The following RNF13 variants were observed in gnomAD, a reference collection of about 807,000 sequenced individuals.
RNF13 encodes E3 ubiquitin-protein ligase RNF13.
Under a neutral mutation model 37.7 loss-of-function variants are expected in RNF13, and 19 were observed. The observed-to-expected ratio is 0.50, with a 90% CI of 0.35 to 0.74. RNF13 has a LOEUF of 0.74. Among genes scored for constraint, RNF13 ranks in the 30% least tolerant of loss-of-function variants. The pLI is 0.01. For missense variants in RNF13, 375 were observed against 453.0 expected, an observed-to-expected ratio of 0.83 and a Z score of 1.56; for synonymous variants, 144 against 157.8, an observed-to-expected ratio of 0.91 and a Z score of 0.65.
intron 4 of RNF13, among the ~76,000 whole-genome samples, chr3:149,887,258 C>A (rs909418175): frequency 6.6e-6 from 1 of 152,152 alleles, no homozygotes; most frequent in African/African-American, 2.4e-5. Flanking sequence ...GACTGCAATG[C>A]CCCAATTTCA....
At chr3:149,897,475 G>A (rs747521592) in intron 5 of RNF13, among the ~76,000 whole-genome samples, 41 of 152,038 alleles carry the variant, frequency 2.7e-4, no homozygotes, top group Non-Finnish European at 4.6e-4. Context: ...AATCATGTCA[G>A]CTCCTAAAGA....
At chr3:149,834,704 T>C (rs1721415519) in intron 1 of RNF13, among the ~76,000 whole-genome samples, 1 of 152,248 alleles carries the variant, frequency 6.6e-6, no homozygotes, top group South Asian at 2.1e-4. Flanking sequence ...CTTGCTGCTC[T>C]TGCTGTGTGA....
At chr3:149,960,326 T>G (rs995998548) in intron 9 of RNF13, among the ~76,000 whole-genome samples, 190 bp downstream of exon 9, 1 of 152,032 alleles carries the variant, frequency 6.6e-6, no homozygotes, top group African/African-American at 2.4e-5. Context: ...GCATGGTGGC[T>G]CACGCCTGTA....
intron 7 of RNF13, among the ~76,000 whole-genome samples, chr3:149,912,534 C>A (rs1307952628): frequency 1.3e-5 from 2 of 151,966 alleles, no homozygotes; most frequent in African/African-American, 4.8e-5. Context: ...ATATCTGCAA[C>A]TTACTTTAAA....
chr3:149,896,411 T>C (rs1346935262), intron 5 of RNF13, among the ~76,000 whole-genome samples: 1 of 152,102 alleles, frequency 6.6e-6, no homozygotes, highest in Non-Finnish European at 1.5e-5. Flanking sequence ...TATTTTATAT[T>C]CCTTAACCAA....
chr3:149,878,440 G>A (rs1275825493), intron 4 of RNF13, among the ~76,000 whole-genome samples: 1 of 152,152 alleles, frequency 6.6e-6, no homozygotes, highest in Non-Finnish European at 1.5e-5. Flanking sequence ...GCCTGCAGTA[G>A]TCCTAAAATA....
At chr3:149,869,421 C>A (rs1051652183) in intron 3 of RNF13, among the ~76,000 whole-genome samples, 1 of 151,382 alleles carries the variant, frequency 6.6e-6, no homozygotes, top group Non-Finnish European at 1.5e-5. Context: ...CCGGCTAAAA[C>A]GGTGAAACCC....
chr3:149,831,651 T>C (rs1008507048), intron 1 of RNF13, among the ~76,000 whole-genome samples: 3 of 152,218 alleles, frequency 2.0e-5, no homozygotes, highest in African/African-American at 4.8e-5. Context: ...TGTGGACTTT[T>C]GAGTTAATGC....
At chr3:149,952,718 G>A (rs1338330929) in intron 8 of RNF13, among the ~76,000 whole-genome samples, 1 of 152,036 alleles carries the variant, frequency 6.6e-6, no homozygotes, top group Non-Finnish European at 1.5e-5. Context: ...TCCTGCCTCA[G>A]CCTCCTGAGT....
chr3:149,922,113 A>G (rs1036369336), intron 8 of RNF13, among the ~76,000 whole-genome samples: 3 of 152,066 alleles, frequency 2.0e-5, no homozygotes, highest in Non-Finnish European at 2.9e-5. Flanking sequence ...AGCTGGGATT[A>G]CAGATGCCTG....
chr3:149,938,674 T>C (rs1270291535), intron 8 of RNF13, among the ~76,000 whole-genome samples: 6 of 152,254 alleles, frequency 3.9e-5, no homozygotes, highest in Admixed American at 2.0e-4. Flanking sequence ...AATTTTTTTT[T>C]ACTTTATTAA....
intron 3 of RNF13, among the ~76,000 whole-genome samples, chr3:149,866,406 G>GC (rs1333316139): frequency 1.3e-5 from 2 of 152,226 alleles, no homozygotes; most frequent in African/African-American, 2.4e-5. Flanking sequence ...AAGTGTCATG[G>GC]CGCTGGTGGG....
chr3:149,834,996 C>G (rs2108348108), intron 1 of RNF13, among the ~76,000 whole-genome samples: 1 of 152,130 alleles, frequency 6.6e-6, no homozygotes, highest in East Asian at 1.9e-4. Context: ...TGACCTTTAC[C>G]TTATACCATA....
intron 3 of RNF13, among the ~76,000 whole-genome samples, chr3:149,868,435 A>T (rs973463689): frequency 6.6e-6 from 1 of 151,364 alleles, no homozygotes. Flanking sequence ...TCTGGGAAAA[A>T]CTTTGTTTCT....
intron 8 of RNF13, among the ~76,000 whole-genome samples, chr3:149,956,152 A>G (rs1227192102): frequency 1.3e-5 from 2 of 152,138 alleles, no homozygotes; most frequent in Non-Finnish European, 2.9e-5. Context: ...TTTTATTCTC[A>G]GGGAAGCCAT....
At chr3:149,866,171 A>C (rs1370508215) in intron 3 of RNF13, among the ~76,000 whole-genome samples, 2 of 152,222 alleles carry the variant, frequency 1.3e-5, no homozygotes, top group Non-Finnish European at 2.9e-5. Context: ...GATCTCACAC[A>C]AGAAAGAATT....
intron 1 of RNF13, among the ~76,000 whole-genome samples, chr3:149,827,622 A>C (rs959708294): frequency 6.6e-6 from 1 of 152,170 alleles, no homozygotes; most frequent in African/African-American, 2.4e-5. Context: ...TTTTGTGGCA[A>C]AGCTGAACAC....
At chr3:149,940,947 A>G (rs192093894) in intron 8 of RNF13, among the ~76,000 whole-genome samples, 27 of 152,266 alleles carry the variant, frequency 1.8e-4, no homozygotes, top group Admixed American at 7.9e-4. Context: ...CTGATACAGT[A>G]TTTGTCCTTT....
chr3:149,886,157 G>A (rs1714007291), intron 4 of RNF13, among the ~76,000 whole-genome samples: 1 of 152,172 alleles, frequency 6.6e-6, no homozygotes, highest in Non-Finnish European at 1.5e-5. Flanking sequence ...TTGAAGTCAG[G>A]TAATGTGATT....
Sources: gnomAD v4.1 joint callset for allele counts (sites outside exome capture counted in the v4.1 genomes callset) on GRCh38, gnomAD v4.1.1 for gene constraint, MANE v1.5 for transcripts, NCBI Gene and HGNC (gene_info 2026-07-23, HGNC 2026-07-21) for gene names.